The following CASD1 variants were observed in gnomAD, a reference collection of about 807,000 sequenced individuals.
CASD1 encodes the protein N-acetylneuraminate (7)9-O-acetyltransferase.
CASD1 carries 41 observed loss-of-function variants against 100.0 expected under a neutral mutation model. The observed-to-expected ratio is 0.41, with a 90% CI of 0.32 to 0.53. The LOEUF is 0.53. Ranked by LOEUF, CASD1 falls within the 20% of genes least tolerant of loss-of-function variation. The pLI is 0.25. For synonymous variants in CASD1, 321 were observed against 315.6 expected, an observed-to-expected ratio of 1.02 and a Z score of -0.18; for missense variants, 774 against 948.7, an observed-to-expected ratio of 0.82 and a Z score of 2.42.
At chr7:94,584,944 A>G in the CASD1 span, 2 of 152,756 alleles carry the variant, frequency 1.3e-5, no homozygotes, top group Admixed American at 1.3e-4. Flanking sequence ...GCTGCCCTGC[A>G]TGAATTGGGT....
At chr7:94,611,809 A>G in the CASD1 span, among the ~76,000 whole-genome samples, 1 of 152,322 alleles carries the variant, frequency 6.6e-6, no homozygotes, top group Non-Finnish European at 1.5e-5. Context: ...CATTTGCTCT[A>G]CACATCAAAT....
chr7:94,510,188 C>T lies in CASD1; in HGVS notation c.104C>T (p.Ala35Val). The change falls in exon 1 of 18, where the codon GCG becomes GTG. Residue 35 changes from alanine to valine, a missense_variant. This residue lies in a region of CASD1 where 75 missense variants were observed against 60.9 expected (regional missense o/e 1.23). Coordinates refer to ENST00000297273, the MANE Select transcript of CASD1 (RefSeq NM_022900.5). ...CTGGTGGCCGTGCTGCTGCTCGCAG[C>T]GTGCCACCTCGCCTCCCGCCGCTAC... Reference protein sequence around the residue: ...LALVAVLLLAACHLASRRYRG... With the variant: ...LALVAVLLLAVCHLASRRYRG... 5 of 1,500,112 alleles carry T rather than the reference C, an allele frequency of 3.3e-6. No individual in the cohort carries two copies. Among genetic ancestry groups the T allele is most frequent in the Admixed American group, 2.1e-5 (1 of 47,078 alleles). 92.9% of individuals were successfully genotyped at this position (1,500,112 alleles called of 1,614,324 possible).
the CASD1 span, chr7:94,588,771 TA>T: frequency 6.2e-7 from 1 of 1,612,760 alleles, no homozygotes. Context: ...ACTGTTTGTT[TA>T]CACACTTGTA....
the CASD1 span, chr7:94,619,858 T>TA: frequency 6.3e-4 from 96 of 152,262 alleles, no homozygotes; most frequent in African/African-American, 2.2e-3. Context: ...AATGTGAACT[T>TA]ACCTTGTACG....
the CASD1 span, among the ~76,000 whole-genome samples, chr7:94,601,455 A>C: frequency 5.9e-5 from 4 of 67,792 alleles, no homozygotes; most frequent in Admixed American, 7.3e-4. Context: ...AAAAAAAAAA[A>C]AAAAAAAAAA....
chr7:94,579,534 T>C, the CASD1 span, among the ~76,000 whole-genome samples: 1 of 152,158 alleles, frequency 6.6e-6, no homozygotes, highest in Non-Finnish European at 1.5e-5. Flanking sequence ...AAATAATAAG[T>C]AATGTTGTAT....
chr7:94,531,366 G>A (rs1404222155), intron 5 of CASD1, among the ~76,000 whole-genome samples: 3 of 152,106 alleles, frequency 2.0e-5, no homozygotes, highest in African/African-American at 7.2e-5. Flanking sequence ...ATAGCTGGGG[G>A]AGTATAGACA....
the CASD1 span, chr7:94,599,281 T>C: frequency 3.4e-6 from 1 of 294,188 alleles, no homozygotes; most frequent in Non-Finnish European, 6.2e-6. Flanking sequence ...AAAACTACCA[T>C]AGCTTTTATA....
intron 16 of CASD1, among the ~76,000 whole-genome samples, chr7:94,553,436 T>C (rs938525861): frequency 6.6e-6 from 1 of 152,170 alleles, no homozygotes; most frequent in Non-Finnish European, 1.5e-5. Flanking sequence ...AGTGGTTCAC[T>C]TTGGTTCCTT....
At chr7:94,589,597 T>C in the CASD1 span, 1 of 152,458 alleles carries the variant, frequency 6.6e-6, no homozygotes, top group African/African-American at 2.4e-5. Flanking sequence ...TCCCCATCAC[T>C]TGCATTACCA....
the CASD1 span, chr7:94,598,822 G>A: frequency 2.5e-6 from 4 of 1,613,348 alleles, no homozygotes; most frequent in South Asian, 4.4e-5. Context: ...AGTTGTCTGT[G>A]TGTAAAGGAG....
chr7:94,528,273 CTTT>C (rs57770781), intron 5 of CASD1, 23 bp downstream of exon 5: 292 of 1,182,378 alleles, frequency 2.5e-4, no homozygotes, highest in Middle Eastern at 4.8e-4. Context: ...AAAACATAGG[CTTT>C]TTTTTTTTTT....
chr7:94,586,061 GA>G, the CASD1 span, among the ~76,000 whole-genome samples: 1,761 of 28,872 alleles, frequency 0.061, 14 homozygotes, highest in Admixed American at 0.11. Context: ...GGAACTAAAT[GA>G]AAAAAAAAAA....
At chr7:94,550,363 A>T (rs184039282) in intron 14 of CASD1, among the ~76,000 whole-genome samples, 1 of 152,118 alleles carries the variant, frequency 6.6e-6, no homozygotes, top group Admixed American at 6.6e-5. Context: ...CCAGTGTACT[A>T]CATTGCATTT....
the CASD1 span, chr7:94,600,744 A>G: frequency 6.2e-7 from 1 of 1,613,800 alleles, no homozygotes; most frequent in South Asian, 1.1e-5. Context: ...AATCCGTGTA[A>G]TAGTCTCTGC....
Position 94,543,258 on chromosome 7 carries a change from A to G in CASD1, c.1357-1153A>G, listed in dbSNP as rs1259397906. Among the ~76,000 whole-genome samples the G allele has an allele frequency of 2.0e-5, 3 of 152,220 alleles. No individual in the cohort carries two copies. The South Asian group carries it at 6.2e-4, about 32-fold the overall frequency. On this transcript the variant is annotated intron_variant, in intron 10 of 17. Coordinates refer to ENST00000297273, the MANE Select transcript of CASD1 (RefSeq NM_022900.5). ...AATATCCGTCCAAAAAGAAACATGA[A>G]TGAAATCTTCAAAAGATGCATACAT...
the CASD1 span, among the ~76,000 whole-genome samples, chr7:94,606,212 A>C: frequency 6.6e-6 from 1 of 152,192 alleles, no homozygotes; most frequent in African/African-American, 2.4e-5. Context: ...AACAAGATCC[A>C]ACTATACTCT....
At chr7:94,523,814 T>C (rs1394434198) in intron 3 of CASD1, among the ~76,000 whole-genome samples, 1 of 152,180 alleles carries the variant, frequency 6.6e-6, no homozygotes, top group African/African-American at 2.4e-5. Flanking sequence ...TTTTACCTTG[T>C]AGTAATTAAA....
intron 10 of CASD1, 121 bp from the exon 11 acceptor site, chr7:94,544,290 G>T: frequency 8.3e-7 from 1 of 1,207,288 alleles, no homozygotes. Context: ...AATCAACTTT[G>T]TGATTGAGCT....
Sources: gnomAD v4.1 joint callset for allele counts (sites outside exome capture counted in the v4.1 genomes callset) on GRCh38, gnomAD v4.1.1 for gene constraint, gnomAD v4.1.1 regional missense constraint, MANE v1.5 for transcripts, NCBI Gene and HGNC (gene_info 2026-07-23, HGNC 2026-07-21) for gene names.